DLG5: variants seen among roughly 807,000 people sequenced by gnomAD.
DLG5 encodes the protein disks large homolog 5.
In DLG5, 48 loss-of-function variants were observed where a neutral mutation model predicts 189.8. The observed-to-expected ratio is 0.25, with a 90% CI of 0.20 to 0.32. DLG5 has a LOEUF of 0.32. Ranked by LOEUF, DLG5 falls within the 10% of genes least tolerant of loss-of-function variation. The probability of loss-of-function intolerance (pLI) is 1.00; values close to 1 mark genes in which losing one functional copy is unlikely to be tolerated. For synonymous variants in DLG5, 1,016 were observed against 1,054.1 expected (o/e 0.96, Z 0.70); for missense variants, 2,160 against 2,544.7 (o/e 0.85, Z 3.25).
At chr10:77,844,770 G>C (rs1249810647) in intron 5 of DLG5, among the ~76,000 whole-genome samples, 2 of 152,260 alleles carry the variant, frequency 1.3e-5, no homozygotes, top group African/African-American at 4.8e-5. Context: ...CTGAGCAGCA[G>C]AGTGGAGGTC....
intron 1 of DLG5, among the ~76,000 whole-genome samples, chr10:77,888,279 G>T (rs1252123298): frequency 1.3e-5 from 2 of 152,152 alleles, no homozygotes; most frequent in African/African-American, 2.4e-5. Flanking sequence ...TATGTGCCTG[G>T]CCTCCTCCTG....
chr10:77,912,273 G>A (rs1378125826), intron 1 of DLG5: 3 of 151,774 alleles, frequency 2.0e-5, no homozygotes, highest in African/African-American at 7.3e-5. Flanking sequence ...TTATAGAGAT[G>A]GGGTAGGGTC....
chr10:77,831,052 G>A (rs943068687), intron 9 of DLG5, among the ~76,000 whole-genome samples, 179 bp from the exon 10 acceptor site: 1 of 152,166 alleles, frequency 6.6e-6, no homozygotes, highest in East Asian at 1.9e-4. Context: ...AGTTTTCACA[G>A]TGGTTTTTTA....
At chr10:77,930,550 T>C (rs975707277), upstream of DLG5, among the ~76,000 whole-genome samples, 3 of 151,972 alleles carry the variant, frequency 2.0e-5, no homozygotes, top group Non-Finnish European at 4.4e-5. Context: ...GGTTTCTCCA[T>C]GTTGGCCAGG....
chr10:77,850,229 C>A (rs967786396), intron 5 of DLG5, among the ~76,000 whole-genome samples: 2 of 152,204 alleles, frequency 1.3e-5, no homozygotes, highest in Non-Finnish European at 2.9e-5. Flanking sequence ...AAGCCCAAGA[C>A]AGCCACAAAT....
chr10:77,907,476 G>A (rs118040944), intron 1 of DLG5, among the ~76,000 whole-genome samples: 4,290 of 152,234 alleles, frequency 0.028, 126 homozygotes, highest in Non-Finnish European at 0.036. Context: ...CTACTCAGGA[G>A]GCTAAGGTAG....
Position 77,926,180 on chromosome 10 carries a change from GC to G in DLG5, c.304+36del. ...CCAGCAGGAGGGAGAAGCGGAGGGC[GC>G]GTCCCAGAGGCGGGGGCCAAGGGTC... is the stretch of plus-strand genomic sequence containing the variant. On this transcript the variant is annotated intron_variant, in intron 1 of 31. Transcript: ENST00000372391. The surrounding 1 kb of genome is among the most constrained non-coding windows in gnomAD (Gnocchi z 5.2). The G allele has an allele frequency of 7.5e-7, 1 of 1,336,796 alleles. No individual in the cohort carries two copies. Among genetic ancestry groups the G allele is most frequent in the East Asian group, 3.1e-5 (1 of 32,442 alleles). The allele number at this position is 1,336,796 out of a possible 1,614,324, so 82.8% of individuals were successfully genotyped here. A position where few individuals can be genotyped will look rare whatever the true frequency, so the allele number is the denominator to read the frequency against.
At chr10:77,932,748 CCCACTGCAGAGTGG>C in the DLG5 span, among the ~76,000 whole-genome samples, 1 of 152,212 alleles carries the variant, frequency 6.6e-6, no homozygotes, top group Non-Finnish European at 1.5e-5. Flanking sequence ...ATGAACTCTG[CCCACTGCAGAGTGG>C]CCACTGCTGG....
In DLG5 at chr10:77,906,832, G is replaced by C. The variant is rs150303260; in HGVS notation, c.304+19385C>G. On this transcript the variant is annotated intron_variant, in intron 1 of 31. Coordinates refer to ENST00000372391, the MANE Select transcript of DLG5 (RefSeq NM_004747.4). ...GTAGACATGGGGTTTCACTATGTTG[G>C]CCAGGTTGGCCTTGAACTCCCGACC... 5.5e-3 allele frequency among the ~76,000 whole-genome samples: 842 copies of C among 151,984 alleles called. 8 individuals carry two copies. Among genetic ancestry groups the C allele is most frequent in the East Asian group, 0.023 (119 of 5,146 alleles).
intron 12 of DLG5, 131 bp downstream of exon 12, chr10:77,829,224 T>G (rs1842787910): frequency 4.6e-6 from 6 of 1,309,842 alleles, no homozygotes; most frequent in Non-Finnish European, 6.4e-6. Flanking sequence ...GAAAAGCACA[T>G]GGGCTACATT....
At chr10:77,890,048 A>G (rs1278251504) in intron 1 of DLG5, among the ~76,000 whole-genome samples, 6 of 152,210 alleles carry the variant, frequency 3.9e-5, no homozygotes, top group Admixed American at 3.9e-4. Flanking sequence ...AAGCCACAAC[A>G]AATGTGGAAG....
chr10:77,909,789 T>G (rs114120835), intron 1 of DLG5, among the ~76,000 whole-genome samples: 1 of 152,090 alleles, frequency 6.6e-6, no homozygotes, highest in Admixed American at 6.5e-5. Context: ...CCAGCACATT[T>G]TGGTTTTGTT....
intron 16 of DLG5, 34 bp from the exon 17 acceptor site, chr10:77,819,499 A>G (rs1462207013): frequency 9.4e-6 from 15 of 1,596,738 alleles, no homozygotes; most frequent in Non-Finnish European, 1.3e-5. Context: ...AGACGCCCCA[A>G]AGGACCCAGC....
chr10:77,878,207 C>T (rs1845166395), intron 1 of DLG5, among the ~76,000 whole-genome samples: 1 of 152,250 alleles, frequency 6.6e-6, no homozygotes, highest in Non-Finnish European at 1.5e-5. Flanking sequence ...GCAACTGTAG[C>T]AAGGCAGGCT....
In DLG5 at chr10:77,926,648, G is replaced by T. The variant is rs1049517958; in HGVS notation, c.-128C>A. Reference sequence around the variant, plus strand: ...AGCCGTGAGGCGGCGGGAGCCATGGGCCGGGGCCTGGGCGGGCTGGGGGCC... The same window carrying T: ...AGCCGTGAGGCGGCGGGAGCCATGGTCCGGGGCCTGGGCGGGCTGGGGGCC... On this transcript the variant is annotated 5_prime_UTR_variant, in exon 1 of 32. Coordinates refer to ENST00000372391, the MANE Select transcript of DLG5 (RefSeq NM_004747.4). The surrounding 1 kb of genome is among the most constrained non-coding windows in gnomAD (Gnocchi z 5.2). The T allele has an allele frequency of 5.0e-4, 326 of 655,286 alleles. 2 individuals are homozygous for T. Among genetic ancestry groups the T allele is most frequent in the Middle Eastern group, 4.2e-3 (6 of 1,412 alleles). The allele number at this position is 655,286 out of a possible 1,614,324, so 40.6% of individuals were successfully genotyped here.
chr10:77,817,980 C>G, intron 17 of DLG5, 91 bp from the exon 18 acceptor site: 1 of 1,111,188 alleles, frequency 9.0e-7, no homozygotes, highest in Non-Finnish European at 1.3e-6. Flanking sequence ...GCAAGGGTTC[C>G]CAAGCGGGCA....
At chr10:77,839,431 G>A (rs1259478934) in intron 7 of DLG5, among the ~76,000 whole-genome samples, 2 of 152,132 alleles carry the variant, frequency 1.3e-5, no homozygotes, top group Admixed American at 6.5e-5. Flanking sequence ...AACCCGGCAG[G>A]TGGAGGTTGT....
chr10:77,881,528 T>C (rs1845281889), intron 1 of DLG5, among the ~76,000 whole-genome samples: 1 of 152,196 alleles, frequency 6.6e-6, no homozygotes, highest in African/African-American at 2.4e-5. Context: ...CTCTCTGGCC[T>C]TGTCACTCCT....
chr10:77,885,718 G>C (rs1845416303), intron 1 of DLG5, among the ~76,000 whole-genome samples: 1 of 152,238 alleles, frequency 6.6e-6, no homozygotes, highest in African/African-American at 2.4e-5. Context: ...AAAGTGTGAA[G>C]AGTAAGAGTT....
Sources: allele counts gnomAD v4.1 joint callset (sites outside exome capture counted in the v4.1 genomes callset), GRCh38; gene constraint gnomAD v4.1.1; non-coding constraint Gnocchi (gnomAD v3.1); transcripts MANE v1.5; gene names NCBI Gene and HGNC (gene_info 2026-07-23, HGNC 2026-07-21).